PTPRG: variants seen among roughly 807,000 people sequenced by gnomAD.
The protein encoded by PTPRG is receptor-type tyrosine-protein phosphatase gamma.
PTPRG carries 102 observed loss-of-function variants against 165.3 expected under a neutral mutation model. The ratio of observed to expected loss-of-function variants is 0.62; its 90% CI spans 0.53 to 0.73. The LOEUF (loss-of-function observed/expected upper bound fraction) is 0.73. Ranked by LOEUF, PTPRG falls within the 30% of genes least tolerant of loss-of-function variation. The pLI is 0.00. For missense variants in PTPRG, 1,866 were observed against 1,861.4 expected, an observed-to-expected ratio of 1.00 and a Z score of -0.05; for synonymous variants, 675 against 669.5, an observed-to-expected ratio of 1.01 and a Z score of -0.13.
intron 8 of PTPRG, among the ~76,000 whole-genome samples, chr3:62,180,998 C>T (rs1705623976): frequency 6.6e-6 from 1 of 152,208 alleles, no homozygotes; most frequent in Non-Finnish European, 1.5e-5. Context: ...AATTTGCTTT[C>T]TTCCATGGTA....
intron 3 of PTPRG, among the ~76,000 whole-genome samples, chr3:62,000,060 T>C (rs1250471703): frequency 6.6e-6 from 1 of 152,026 alleles, no homozygotes; most frequent in East Asian, 1.9e-4. Context: ...CTCGACACTT[T>C]GGGAGGCCAA....
chr3:61,974,765 T>G (rs2040464409), intron 2 of PTPRG, among the ~76,000 whole-genome samples: 1 of 152,176 alleles, frequency 6.6e-6, no homozygotes, highest in South Asian at 2.1e-4. Context: ...TCTTTGCAGA[T>G]TATGAAGAGA....
At chr3:61,591,865 A>G (rs1700578204) in intron 1 of PTPRG, among the ~76,000 whole-genome samples, 1 of 152,200 alleles carries the variant, frequency 6.6e-6, no homozygotes, top group Non-Finnish European at 1.5e-5. Flanking sequence ...TACTCAACCT[A>G]TTCTGAACTT....
chr3:61,588,002 CCATGAT>C (rs1457788914), intron 1 of PTPRG, among the ~76,000 whole-genome samples: 1 of 151,442 alleles, frequency 6.6e-6, no homozygotes, highest in East Asian at 1.9e-4. Context: ...GGATCCAAAT[CCATGAT>C]CACCGTGTTA....
intron 16 of PTPRG, among the ~76,000 whole-genome samples, chr3:62,258,747 C>T (rs1311489125): frequency 2.0e-5 from 3 of 152,170 alleles, no homozygotes; most frequent in African/African-American, 7.2e-5. Context: ...CTAGAAATAA[C>T]ATCAGTCCTT....
At chr3:61,940,407 G>C (rs2039591447) in intron 2 of PTPRG, among the ~76,000 whole-genome samples, 1 of 152,218 alleles carries the variant, frequency 6.6e-6, no homozygotes, top group African/African-American at 2.4e-5. Flanking sequence ...AATGAAACTT[G>C]AGAAATGCTG....
At chr3:62,272,498 G>T (rs1702098386) in intron 21 of PTPRG, among the ~76,000 whole-genome samples, 1 of 152,052 alleles carries the variant, frequency 6.6e-6, no homozygotes, top group African/African-American at 2.4e-5. Context: ...CGCTTGTTCT[G>T]TGATTTATGT....
At position 61,724,106 on chromosome 3, in the gene PTPRG, G is replaced by A. The variant is rs889897755; in HGVS notation, c.86-24772G>A. On this transcript the variant is annotated intron_variant, in intron 1 of 29. Transcript: ENST00000474889. ...AATTAGCCTGGGTGTGGCAGTTGGCGTCTGTAACCCCAGCTACTTGGGAGG... is the reference window on the plus strand; with the variant it reads ...AATTAGCCTGGGTGTGGCAGTTGGCATCTGTAACCCCAGCTACTTGGGAGG... 1.5e-4 allele frequency among the ~76,000 whole-genome samples: 22 copies of A among 151,038 alleles called. 1 individual carries two copies. Among genetic ancestry groups the A allele is most frequent in the South Asian group, 4.2e-4 (2 of 4,786 alleles).
At chr3:62,123,823 T>G (rs1443391051) in intron 5 of PTPRG, among the ~76,000 whole-genome samples, 1 of 152,168 alleles carries the variant, frequency 6.6e-6, no homozygotes, top group Non-Finnish European at 1.5e-5. Context: ...AGACTTCATT[T>G]AAGTGACTGA....
intron 2 of PTPRG, among the ~76,000 whole-genome samples, chr3:61,833,273 C>T (rs1156508015): frequency 6.6e-6 from 1 of 152,092 alleles, no homozygotes; most frequent in Non-Finnish European, 1.5e-5. Context: ...CTATAATGCC[C>T]CCAATTTTGC....
intron 2 of PTPRG, among the ~76,000 whole-genome samples, chr3:61,958,722 C>T (rs182028628): frequency 6.6e-6 from 1 of 152,300 alleles, no homozygotes; most frequent in East Asian, 1.9e-4. Flanking sequence ...TTGCTTTCCC[C>T]TGCTGAACAC....
chr3:62,049,656 A>G (rs1700409304), intron 4 of PTPRG, among the ~76,000 whole-genome samples: 1 of 152,186 alleles, frequency 6.6e-6, no homozygotes, highest in Admixed American at 6.5e-5. Context: ...CAAATACCAT[A>G]ATATGTTGAT....
intron 2 of PTPRG, among the ~76,000 whole-genome samples, chr3:61,781,840 G>A (rs2034552792): frequency 6.7e-6 from 1 of 150,358 alleles, no homozygotes; most frequent in Non-Finnish European, 1.5e-5. Context: ...CGATCCTCCT[G>A]CCTCAGCCTC....
intron 2 of PTPRG, among the ~76,000 whole-genome samples, chr3:61,975,912 C>T (rs1243822669): frequency 2.0e-5 from 3 of 152,128 alleles, no homozygotes; most frequent in Admixed American, 6.5e-5. Flanking sequence ...ATATATTCTC[C>T]TTGTATACCC....
chr3:62,288,403 G>A (rs532086497), intron 28 of PTPRG, among the ~76,000 whole-genome samples: 26 of 152,108 alleles, frequency 1.7e-4, no homozygotes, highest in Non-Finnish European at 2.1e-4. Context: ...GGCCGGGCAC[G>A]GTGACTCACA....
At chr3:61,988,198 G>A (rs2040806419) in intron 2 of PTPRG, among the ~76,000 whole-genome samples, 1 of 152,166 alleles carries the variant, frequency 6.6e-6, no homozygotes, top group South Asian at 2.1e-4. Context: ...AATGACTGAA[G>A]CATTAGAGTG....
At chr3:62,003,206 G>C (rs1489805063) in intron 3 of PTPRG, 143 bp from the exon 4 acceptor site, 5 of 887,676 alleles carry the variant, frequency 5.6e-6, no homozygotes, top group Non-Finnish European at 8.3e-6. Context: ...ATTCAGGCGG[G>C]TGTGTTCAAC....
chr3:62,155,401 T>C (rs1704497567), intron 6 of PTPRG, among the ~76,000 whole-genome samples: 1 of 152,146 alleles, frequency 6.6e-6, no homozygotes, highest in Non-Finnish European at 1.5e-5. Context: ...GAGAGCATAG[T>C]GATGTGAATA....
intron 1 of PTPRG, among the ~76,000 whole-genome samples, chr3:61,564,325 A>T (rs189752215): frequency 1.2e-3 from 180 of 152,016 alleles, no homozygotes; most frequent in African/African-American, 4.1e-3. Context: ...AAATTAGAGG[A>T]ATTTCCAATT....
Sources: gnomAD v4.1 joint callset for allele counts (sites outside exome capture counted in the v4.1 genomes callset) on GRCh38, gnomAD v4.1.1 for gene constraint, MANE v1.5 for transcripts, NCBI Gene and HGNC (gene_info 2026-07-23, HGNC 2026-07-21) for gene names.